UPP1: variants seen among roughly 807,000 people sequenced by gnomAD.
UPP1 encodes the protein uridine phosphorylase 1.
A neutral mutation model predicts 29.6 loss-of-function variants in UPP1; 25 were observed. That is an observed-to-expected ratio of 0.85 (90% CI 0.62 to 1.18). The LOEUF is 1.18. Among genes scored for constraint, UPP1 ranks in the 50% most tolerant of loss-of-function variants. The pLI is 0.00. For missense variants in UPP1, 368 were observed against 410.4 expected, an observed-to-expected ratio of 0.90 and a Z score of 0.89; for synonymous variants, 165 against 159.8, an observed-to-expected ratio of 1.03 and a Z score of -0.25.
At chr7:48,099,060 G>A (rs1792278026) in intron 3 of UPP1, among the ~76,000 whole-genome samples, 1 of 152,202 alleles carries the variant, frequency 6.6e-6, no homozygotes, top group Admixed American at 6.5e-5. Flanking sequence ...CTTTTATGAA[G>A]AAAAGTTTGC....
In UPP1 at chr7:48,108,351, G is replaced by C; in HGVS notation, c.927G>C (p.Lys309Asn). The change falls in exon 9 of 9, where the codon AAG (lysine) becomes AAC (asparagine). Residue 309 changes from lysine to asparagine, a missense_variant. Lys to Asn is a moderately conservative substitution (Grantham distance 94). Transcript: ENST00000395564. ...VSYFIKKKLS[K>N]A The stretch of plus-strand genomic sequence containing the variant: ...ACTTCATCAAGAAGAAACTGAGCAA[G>C]GCCTGAGCGCTGCCCTGCACCTCCG... The C allele has an allele frequency of 6.2e-6, 10 of 1,613,476 alleles. No individual in the cohort carries two copies. Among genetic ancestry groups the C allele is most frequent in the Non-Finnish European group, 8.5e-6 (10 of 1,179,494 alleles).
chr7:48,104,623 AAT>A (rs1157703903), intron 6 of UPP1: 2 of 152,236 alleles, frequency 1.3e-5, no homozygotes, highest in African/African-American at 4.8e-5. Flanking sequence ...AAATATTTTG[AAT>A]ATGTTATCTT....
chr7:48,108,365 C>T lies in UPP1; in HGVS notation c.*8C>T, dbSNP rs375950359. 146 of 1,610,400 alleles carry T rather than the reference C, an allele frequency of 9.1e-5. No homozygotes were observed. The highest frequency in any genetic ancestry group is 2.0e-5 in the Non-Finnish European group (23 of 1,177,202). Reference sequence around the variant, plus strand: ...AAACTGAGCAAGGCCTGAGCGCTGCCCTGCACCTCCGCAGACCTGCTGTGA... The same window carrying T: ...AAACTGAGCAAGGCCTGAGCGCTGCTCTGCACCTCCGCAGACCTGCTGTGA... On this transcript the variant is annotated 3_prime_UTR_variant, in exon 9 of 9. Transcript: ENST00000395564.
Position 48,094,811 on chromosome 7 carries a change from A to G in UPP1, c.28A>G (p.Lys10Glu). MAATGANAE[K>E]AESHNDCPVR... ...GGCGGCCACGGGAGCCAATGCAGAG[A>G]AAGCTGAAAGTCACAAGTAAGGCTC... Residue 10 changes from lysine to glutamate, a missense_variant, in exon 3 of 9, where the codon AAA (lysine) becomes GAA (glutamate). By Grantham distance (56) the Lys-to-Glu change is moderately conservative. Transcript: ENST00000395564. 6.2e-7 allele frequency: 1 copy of G among 1,614,172 alleles called. No homozygotes were observed. Among genetic ancestry groups the G allele is most frequent in the Non-Finnish European group, 8.5e-7 (1 of 1,180,032 alleles).
intron 3 of UPP1, among the ~76,000 whole-genome samples, chr7:48,096,219 T>A (rs942557378): frequency 1.2e-4 from 18 of 152,214 alleles, no homozygotes; most frequent in African/African-American, 4.3e-4. Context: ...TCCCTTGTTT[T>A]ATCCTCAGCT....
At chr7:48,099,871 G>A (rs1792328309) in intron 4 of UPP1, 84 bp downstream of exon 4, 3 of 888,630 alleles carry the variant, frequency 3.4e-6, no homozygotes, top group Non-Finnish European at 3.6e-6. Context: ...ACCCACAAAT[G>A]CTTGAGAGAC....
intron 8 of UPP1, 76 bp downstream of exon 8, chr7:48,107,583 C>G (rs924868699): frequency 6.6e-7 from 1 of 1,505,886 alleles, no homozygotes. Context: ...CGCTGGGGCC[C>G]CTCCTCCTGG....
chr7:48,094,402 G>A (rs1286447702), intron 2 of UPP1, among the ~76,000 whole-genome samples: 1 of 152,138 alleles, frequency 6.6e-6, no homozygotes, highest in African/African-American at 2.4e-5. Flanking sequence ...TTTTAGTAGA[G>A]ATGGTGTTTC....
intron 3 of UPP1, 91 bp downstream of exon 3, chr7:48,094,918 C>T: frequency 7.1e-7 from 1 of 1,399,630 alleles, no homozygotes; most frequent in Non-Finnish European, 9.9e-7. Flanking sequence ...AAGGACTTGA[C>T]ATATATTAAC....
At chr7:48,099,594 T>C (rs2128812377) in intron 3 of UPP1, 76 bp from the exon 4 acceptor site, 2 of 1,026,132 alleles carry the variant, frequency 1.9e-6, no homozygotes, top group South Asian at 1.4e-5. Flanking sequence ...GTGTCTGACA[T>C]AGGCCACTTC....
Position 48,107,040 on chromosome 7 carries a change from A to G in UPP1, c.604A>G (p.Thr202Ala). ...LCSAELSEFT[T>A]VVGNTMCTLD... ...TTCTGCAGAGCTGAGCGAGTTCACC[A>G]CAGTGGTGGGGAACACCATGTGCAC... is the stretch of plus-strand genomic sequence containing the variant. The change falls in exon 7 of 9, where the codon ACA becomes GCA. Residue 202 changes from threonine to alanine, a missense_variant. By Grantham distance (58) the Thr-to-Ala change is moderately conservative. Coordinates refer to ENST00000395564, the MANE Select transcript of UPP1 (RefSeq NM_003364.4). 2 of 1,612,398 alleles carry G rather than the reference A, an allele frequency of 1.2e-6. No individual in the cohort carries two copies. The highest frequency in any genetic ancestry group is 1.7e-6 in the Non-Finnish European group (2 of 1,179,890).
At position 48,108,481 on chromosome 7, in the gene UPP1, T is replaced by A; in HGVS notation, c.*124T>A. The A allele has an allele frequency of 2.6e-6, 3 of 1,142,870 alleles. No individual in the cohort carries two copies. Among genetic ancestry groups the A allele is most frequent in the Non-Finnish European group, 3.6e-6 (3 of 841,274 alleles). The allele number at this position is 1,142,870 out of a possible 1,614,324, so 70.8% of individuals were successfully genotyped here. On this transcript the variant is annotated 3_prime_UTR_variant, in exon 9 of 9. Coordinates refer to ENST00000395564, the MANE Select transcript of UPP1 (RefSeq NM_003364.4). ...AGAATCTAGAAAATCAGATCGCGAT[T>A]AAGAGACAGAGAATCTTGGATTAAC...
intron 2 of UPP1, among the ~76,000 whole-genome samples, chr7:48,093,474 A>G (rs954225735): frequency 2.0e-5 from 3 of 152,196 alleles, no homozygotes; most frequent in Admixed American, 6.5e-5. Flanking sequence ...TCCTCTCAGC[A>G]TGAATCCTGC....
chr7:48,101,939 A>ACC lies in UPP1; in HGVS notation c.279_280dup (p.Arg94ProfsTer8), dbSNP rs749771092. On this transcript the variant is annotated frameshift_variant, in exon 5 of 9. Transcript: ENST00000395564. LOFTEE classifies it high-confidence loss of function. ...TATCCCAACATCTGTGCGGGAACTG[A>ACC]CCGCTATGCCATGTATAAAGTAGGA... is the stretch of plus-strand genomic sequence containing the variant. 1 of 1,613,836 alleles carries ACC rather than the reference A, an allele frequency of 6.2e-7. No individual in the cohort carries two copies. Among genetic ancestry groups the ACC allele is most frequent in the East Asian group, 2.2e-5 (1 of 44,870 alleles).
intron 3 of UPP1, among the ~76,000 whole-genome samples, chr7:48,098,446 A>C (rs1792239459): frequency 6.6e-6 from 1 of 152,196 alleles, no homozygotes; most frequent in Non-Finnish European, 1.5e-5. Flanking sequence ...ATTCAGAGAT[A>C]TATAAGACGT....
chr7:48,096,514 GCCC>G (rs1398860109), intron 3 of UPP1, among the ~76,000 whole-genome samples: 2 of 152,092 alleles, frequency 1.3e-5, no homozygotes, highest in East Asian at 3.9e-4. Flanking sequence ...ATTTTCTGGA[GCCC>G]TCCCACTTCC....
At chr7:48,095,719 C>T in intron 3 of UPP1, among the ~76,000 whole-genome samples, 1 of 152,046 alleles carries the variant, frequency 6.6e-6, no homozygotes, top group East Asian at 1.9e-4. Flanking sequence ...GCAATCTCAG[C>T]TTGCTGCAAC....
chr7:48,099,830 C>A, intron 4 of UPP1, 43 bp downstream of exon 4: 1 of 1,294,778 alleles, frequency 7.7e-7, no homozygotes, highest in South Asian at 1.2e-5. Flanking sequence ...GCCTTAAGAT[C>A]AACCTCCCCC....
At chr7:48,091,177 T>G (rs1307344213) in intron 2 of UPP1, among the ~76,000 whole-genome samples, 1 of 152,048 alleles carries the variant, frequency 6.6e-6, no homozygotes, top group Non-Finnish European at 1.5e-5. Flanking sequence ...ATATGTTCAT[T>G]CAAAAAAGTA....
Sources: allele counts gnomAD v4.1 joint callset (sites outside exome capture counted in the v4.1 genomes callset), GRCh38; gene constraint gnomAD v4.1.1; transcripts MANE v1.5; gene names NCBI Gene and HGNC (gene_info 2026-07-23, HGNC 2026-07-21).